Variants in ASIC2 observed in about 807,000 individuals in gnomAD.
ASIC2 encodes the protein acid-sensing ion channel 2.
A neutral mutation model predicts 57.3 loss-of-function variants in ASIC2; 25 were observed. The observed-to-expected ratio is 0.44, with a 90% confidence interval of 0.32 to 0.61. The LOEUF is 0.61. ASIC2 is among the 20% of genes least tolerant of loss of function. The pLI, the probability that ASIC2 is intolerant of heterozygous loss-of-function variation, is 0.06. For missense variants in ASIC2, 641 were observed against 738.1 expected (o/e 0.87, Z 1.52); for synonymous variants, 319 against 307.5 (o/e 1.04, Z -0.39).
chr17:33,799,487 T>C (rs1052793382), intron 1 of ASIC2, among the ~76,000 whole-genome samples: 1 of 142,460 alleles, frequency 7.0e-6, no homozygotes, highest in African/African-American at 2.6e-5. Flanking sequence ...TCCTTCTTTC[T>C]TTCTTTCTTA....
intron 1 of ASIC2, among the ~76,000 whole-genome samples, chr17:34,031,609 T>C (rs1213215032): frequency 6.6e-6 from 1 of 151,930 alleles, no homozygotes; most frequent in Admixed American, 6.6e-5. Context: ...AGTTAAAAGC[T>C]TTGAAAAAAA....
intron 1 of ASIC2, among the ~76,000 whole-genome samples, chr17:33,983,234 T>A (rs1180195389): frequency 6.6e-6 from 1 of 152,232 alleles, no homozygotes; most frequent in African/African-American, 2.4e-5. Flanking sequence ...GTGGATAGAC[T>A]AAGAATGCCA....
chr17:34,061,669 G>T (rs1908975425), intron 1 of ASIC2, among the ~76,000 whole-genome samples: 1 of 152,142 alleles, frequency 6.6e-6, no homozygotes, highest in African/African-American at 2.4e-5. Flanking sequence ...TTAAAGTAAA[G>T]GGGTGGAAAA....
intron 1 of ASIC2, among the ~76,000 whole-genome samples, chr17:33,739,562 C>T (rs892342507): frequency 2.0e-5 from 3 of 152,190 alleles, no homozygotes; most frequent in Admixed American, 2.0e-4. Context: ...CAGTGAATTC[C>T]AGTCTTCTAA....
At chr17:33,857,905 G>C (rs575754302) in intron 1 of ASIC2, among the ~76,000 whole-genome samples, 17 of 152,330 alleles carry the variant, frequency 1.1e-4, no homozygotes, top group Admixed American at 8.5e-4. Context: ...ACAGGACATG[G>C]ACCAAGACCT....
intron 1 of ASIC2, among the ~76,000 whole-genome samples, chr17:33,562,298 T>C (rs1315971956): frequency 3.3e-5 from 5 of 152,198 alleles, no homozygotes; most frequent in Non-Finnish European, 5.9e-5. Context: ...TGGTTCCATC[T>C]GATTTATCTC....
At chr17:33,554,580 C>G (rs962804551) in intron 1 of ASIC2, among the ~76,000 whole-genome samples, 3 of 152,164 alleles carry the variant, frequency 2.0e-5, no homozygotes, top group African/African-American at 4.8e-5. Flanking sequence ...ACCTATGTAC[C>G]AAGCCCTGCT....
chr17:33,259,003 T>G (rs1031019091), intron 1 of ASIC2, among the ~76,000 whole-genome samples: 1 of 151,998 alleles, frequency 6.6e-6, no homozygotes. Context: ...AGGGTGTGTG[T>G]GGGGTGAGGA....
intron 1 of ASIC2, among the ~76,000 whole-genome samples, chr17:33,606,804 T>C (rs776290153): frequency 6.6e-6 from 1 of 152,190 alleles, no homozygotes; most frequent in Non-Finnish European, 1.5e-5. Context: ...GAAGGCAAGA[T>C]GCCAACAAAG....
intron 1 of ASIC2, among the ~76,000 whole-genome samples, chr17:33,841,860 AG>A (rs1913447634): frequency 2.0e-5 from 3 of 152,208 alleles, no homozygotes; most frequent in Non-Finnish European, 4.4e-5. Context: ...AACGAGACAC[AG>A]GGTTTTACTA....
intron 1 of ASIC2, among the ~76,000 whole-genome samples, chr17:33,963,823 C>T (rs754503846): frequency 1.3e-5 from 2 of 152,026 alleles, no homozygotes; most frequent in Non-Finnish European, 2.9e-5. Flanking sequence ...AAAACAAAGG[C>T]CAACAGAAAG....
At chr17:34,109,457 C>A (rs532613672) in intron 1 of ASIC2, among the ~76,000 whole-genome samples, 1 of 152,198 alleles carries the variant, frequency 6.6e-6, no homozygotes, top group African/African-American at 2.4e-5. Flanking sequence ...GGTAAGTGTA[C>A]AATTCCTAGA....
At chr17:33,039,851 CCCT>C (rs2091923262) in intron 3 of ASIC2, among the ~76,000 whole-genome samples, 1 of 152,178 alleles carries the variant, frequency 6.6e-6, no homozygotes, top group Non-Finnish European at 1.5e-5. Flanking sequence ...TCTTTCTTCT[CCCT>C]CCTCCTTTCT....
At chr17:33,596,389 T>A (rs922819594) in intron 1 of ASIC2, among the ~76,000 whole-genome samples, 2 of 152,220 alleles carry the variant, frequency 1.3e-5, no homozygotes, top group African/African-American at 4.8e-5. Context: ...AATGCACAAA[T>A]TATTTTTACA....
chr17:33,445,691 A>C (rs1597729873), intron 1 of ASIC2, among the ~76,000 whole-genome samples: 1 of 151,510 alleles, frequency 6.6e-6, no homozygotes, highest in African/African-American at 2.4e-5. Flanking sequence ...CAGCTACTCG[A>C]GAGGCTGAGG....
chr17:33,099,911 C>A (rs1477942964), intron 2 of ASIC2: 1 of 152,140 alleles, frequency 6.6e-6, no homozygotes, highest in South Asian at 2.1e-4. Context: ...GGATTCATAG[C>A]AATTTTTTGT....
intron 1 of ASIC2, among the ~76,000 whole-genome samples, chr17:33,725,264 C>G (rs575841660): frequency 2.0e-5 from 3 of 152,304 alleles, no homozygotes; most frequent in African/African-American, 7.2e-5. Context: ...GGGGAAAATA[C>G]GTGGAGGGAA....
intron 1 of ASIC2, among the ~76,000 whole-genome samples, chr17:33,159,852 T>C (rs576281419): frequency 1.3e-5 from 2 of 152,310 alleles, no homozygotes; most frequent in Admixed American, 1.3e-4. Flanking sequence ...ACCGACCTCC[T>C]ATATCTGGGA....
chr17:33,488,868 C>T (rs913361302), intron 1 of ASIC2, among the ~76,000 whole-genome samples: 3 of 152,138 alleles, frequency 2.0e-5, no homozygotes, highest in Non-Finnish European at 4.4e-5. Flanking sequence ...CATGATGGTA[C>T]AACTTTGGCA....
Sources: allele counts gnomAD v4.1 joint callset (sites outside exome capture counted in the v4.1 genomes callset), GRCh38; gene constraint gnomAD v4.1.1; transcripts MANE v1.5; gene names NCBI Gene and HGNC (gene_info 2026-07-23, HGNC 2026-07-21).